The following IL1RAPL1 variants were observed in gnomAD, a reference collection of about 807,000 sequenced individuals.
IL1RAPL1 encodes interleukin 1 receptor accessory protein like 1.
Under a neutral mutation model 48.4 loss-of-function variants are expected in IL1RAPL1, and 3 were observed. The observed-to-expected ratio is 0.06, with a 90% CI of 0.03 to 0.16. The LOEUF (loss-of-function observed/expected upper bound fraction) is 0.16, where lower values mean the gene tolerates loss of function less well. Among genes scored for constraint, IL1RAPL1 ranks in the 10% least tolerant of loss-of-function variants. The pLI, the probability that IL1RAPL1 is intolerant of heterozygous loss-of-function variation, is 1.00. For missense variants in IL1RAPL1, 349 were observed against 530.6 expected (o/e 0.66, Z 3.36); for synonymous variants, 185 against 187.7 (o/e 0.99, Z 0.12).
chrX:28,837,932 T>C (rs1375931036), intron 2 of IL1RAPL1, among the ~76,000 whole-genome samples: 1 of 109,491 alleles, frequency 9.1e-6, no homozygotes, highest in African/African-American at 3.3e-5. Flanking sequence ...CACAATAAAA[T>C]GTTCTCCCCA....
chrX:29,559,836 C>A (rs1922129705), intron 5 of IL1RAPL1, among the ~76,000 whole-genome samples: 1 of 111,112 alleles, frequency 9.0e-6, no homozygotes, highest in Non-Finnish European at 1.9e-5. Context: ...CAATTTATAT[C>A]TTTTTATATC....
intron 2 of IL1RAPL1, among the ~76,000 whole-genome samples, chrX:29,156,172 C>T (rs1025754983): frequency 1.8e-5 from 2 of 111,395 alleles, no homozygotes; most frequent in African/African-American, 6.5e-5. Context: ...AAAATTCTAA[C>T]CCTGGTCTGT....
At chrX:29,132,402 A>G (rs922388011) in intron 2 of IL1RAPL1, among the ~76,000 whole-genome samples, 1 of 111,701 alleles carries the variant, frequency 9.0e-6, no homozygotes, top group African/African-American at 3.3e-5. Flanking sequence ...TACCTTTTCT[A>G]TGTTTAGATA....
In IL1RAPL1 at chrX:28,772,061, T is replaced by A. The variant is rs781281548; in HGVS notation, c.-24-17259T>A. On this transcript the variant is annotated intron_variant, in intron 1 of 10. Transcript: ENST00000378993. ...GGGTGAAAAAACAGTGGTTTCACTG[T>A]TACTGACAACTATGGATTAAGAGCG... Among the ~76,000 whole-genome samples the A allele has an allele frequency of 3.6e-5, 4 of 111,454 alleles. No individual in the cohort carries two copies. The South Asian group carries it at 1.5e-3, about 42-fold the overall frequency.
chrX:29,082,271 AC>A (rs1397808467), intron 2 of IL1RAPL1, among the ~76,000 whole-genome samples: 3 of 112,276 alleles, frequency 2.7e-5, no homozygotes, highest in African/African-American at 9.7e-5. Context: ...TAATGGTATA[AC>A]CATTAGCTTT....
intron 3 of IL1RAPL1, among the ~76,000 whole-genome samples, chrX:29,301,329 T>C (rs1477602751): frequency 6.2e-5 from 7 of 112,234 alleles, no homozygotes; most frequent in Non-Finnish European, 9.4e-5. Context: ...ATTACATGTT[T>C]TCATTGTTAC....
At chrX:28,732,681 C>T (rs995090169) in intron 1 of IL1RAPL1, among the ~76,000 whole-genome samples, 3 of 110,816 alleles carry the variant, frequency 2.7e-5, no homozygotes, top group African/African-American at 6.6e-5. Context: ...ACCATCCTGG[C>T]CAACATGGTA....
At chrX:29,916,101 A>G (rs1171283364) in intron 6 of IL1RAPL1, among the ~76,000 whole-genome samples, 1 of 98,884 alleles carries the variant, frequency 1.0e-5, no homozygotes, top group African/African-American at 3.7e-5. Context: ...ATGGCTGCAT[A>G]GTATTCCATG....
intron 6 of IL1RAPL1, among the ~76,000 whole-genome samples, chrX:29,735,007 C>T (rs1601800801): frequency 9.2e-6 from 1 of 108,446 alleles, no homozygotes; most frequent in Admixed American, 1.0e-4. Context: ...TTTTCTATTG[C>T]CATTATAGTA....
At chrX:29,666,358 A>G (rs1004336376) in intron 5 of IL1RAPL1, among the ~76,000 whole-genome samples, 1 of 110,618 alleles carries the variant, frequency 9.0e-6, no homozygotes, top group South Asian at 3.8e-4. Context: ...GGGTGGCACA[A>G]CAAGGCAGGG....
intron 6 of IL1RAPL1, among the ~76,000 whole-genome samples, chrX:29,755,759 A>C (rs929168033): frequency 8.0e-5 from 9 of 112,811 alleles, no homozygotes; most frequent in African/African-American, 2.6e-4. Context: ...ATCTGAATGT[A>C]TCATTTACTT....
At position 29,267,742 on chromosome X, in the gene IL1RAPL1, A is replaced by G. The variant is rs758219283; in HGVS notation, c.83-15196A>G. ...CTGCATTAAATCCATGCTTTGTTTTAGTAGTTTCCTTGGGTGGACTAGTTT... is the reference window on the plus strand; with the variant it reads ...CTGCATTAAATCCATGCTTTGTTTTGGTAGTTTCCTTGGGTGGACTAGTTT... On this transcript the variant is annotated intron_variant, in intron 2 of 10. Coordinates refer to ENST00000378993, the MANE Select transcript of IL1RAPL1 (RefSeq NM_014271.4). Among the ~76,000 whole-genome samples, 16 of 112,110 alleles carry G rather than the reference A, an allele frequency of 1.4e-4. No individual in the cohort carries two copies. In the East Asian group the frequency reaches 4.2e-3, roughly 29 times the overall value.
At chrX:29,576,838 G>A (rs1164498627) in intron 5 of IL1RAPL1, among the ~76,000 whole-genome samples, 1 of 109,982 alleles carries the variant, frequency 9.1e-6, no homozygotes, top group East Asian at 2.8e-4. Flanking sequence ...AGTTTCTGGG[G>A]TTATGAATTT....
At chrX:28,919,689 A>T (rs756545970) in intron 2 of IL1RAPL1, among the ~76,000 whole-genome samples, 1 of 112,097 alleles carries the variant, frequency 8.9e-6, no homozygotes, top group East Asian at 2.8e-4. Flanking sequence ...AAATGGTTAG[A>T]CCAGTGACTG....
intron 2 of IL1RAPL1, among the ~76,000 whole-genome samples, chrX:28,864,329 A>AT (rs1439124982): frequency 8.9e-6 from 1 of 112,131 alleles, no homozygotes; most frequent in Non-Finnish European, 1.9e-5. Flanking sequence ...TCAAAACGAT[A>AT]TTTTTTGAGT....
intron 1 of IL1RAPL1, among the ~76,000 whole-genome samples, chrX:28,729,649 G>T (rs1321555684): frequency 9.0e-6 from 1 of 110,574 alleles, no homozygotes. Context: ...CTGAAAATGG[G>T]AAGCTAACTG....
intron 8 of IL1RAPL1, among the ~76,000 whole-genome samples, chrX:29,930,723 T>C (rs1932938247): frequency 8.9e-6 from 1 of 112,044 alleles, no homozygotes; most frequent in African/African-American, 3.2e-5. Flanking sequence ...CATTACTCTC[T>C]GCTATAAAAT....
At chrX:28,604,581 G>A (rs1934062857) in intron 1 of IL1RAPL1, among the ~76,000 whole-genome samples, 1 of 108,888 alleles carries the variant, frequency 9.2e-6, no homozygotes, top group East Asian at 2.9e-4. Context: ...ACAAAAATGT[G>A]CTGGGTGTGG....
chrX:29,384,019 ATTTG>A (rs982780001), intron 3 of IL1RAPL1, among the ~76,000 whole-genome samples: 5 of 112,070 alleles, frequency 4.5e-5, no homozygotes, highest in African/African-American at 1.6e-4. Flanking sequence ...CAACTATATA[ATTTG>A]TTTATCTTTT....
Sources: gnomAD v4.1 joint callset for allele counts (sites outside exome capture counted in the v4.1 genomes callset) on GRCh38, gnomAD v4.1.1 for gene constraint, MANE v1.5 for transcripts, NCBI Gene and HGNC (gene_info 2026-07-23, HGNC 2026-07-21) for gene names.